Variants in CA5A observed in about 807,000 individuals in gnomAD.
CA5A encodes carbonic anhydrase 5A, mitochondrial.
CA5A carries 28 observed loss-of-function variants against 37.1 expected under a neutral mutation model. The ratio of observed to expected loss-of-function variants is 0.75; its 90% confidence interval spans 0.56 to 1.03. The LOEUF (loss-of-function observed/expected upper bound fraction) is 1.03. Among genes scored for constraint, CA5A ranks in the 50% least tolerant of loss-of-function variants. The pLI, the probability that CA5A is intolerant of heterozygous loss-of-function variation, is 0.00. For missense variants in CA5A, 444 were observed against 399.9 expected (o/e 1.11, Z -0.94); for synonymous variants, 171 against 158.4 (o/e 1.08, Z -0.60).
rs576786755 is a variant in CA5A at position 87,891,975 on chromosome 16, G to A, written c.619-21C>T. 4.4e-5 allele frequency: 67 copies of A among 1,516,706 alleles called. No homozygotes were observed. In the African/African-American group the frequency reaches 7.2e-4, roughly 16 times the overall value. 94.0% of individuals were successfully genotyped at this position (1,516,706 alleles called of 1,614,324 possible). ...GCGTCCTGAGAGACCGAGAAGCACA[G>A]GACGTGTCAGTCCTCAGGGGAGACT... On this transcript the variant is annotated intron_variant, in intron 5 of 6. Transcript: ENST00000649794.
chr16:87,883,805 T>G (rs1197827741), downstream of CA5A: 2 of 150,974 alleles, frequency 1.3e-5, no homozygotes, highest in African/African-American at 4.9e-5. Context: ...CCCAGCGAAT[T>G]TTTTGCATTT....
intron 6 of CA5A, among the ~76,000 whole-genome samples, chr16:87,890,868 C>G (rs2055703308): frequency 6.6e-6 from 1 of 152,066 alleles, no homozygotes; most frequent in Non-Finnish European, 1.5e-5. Context: ...GATCTCAGCT[C>G]ACTGCAGCCT....
intron 2 of CA5A, among the ~76,000 whole-genome samples, chr16:87,920,472 G>A (rs1343555788): frequency 1.3e-5 from 2 of 151,934 alleles, no homozygotes; most frequent in Admixed American, 6.6e-5. Context: ...ACCACGCTCG[G>A]CTAATTTTTG....
chr16:87,931,264 A>C (rs985293033), intron 1 of CA5A, among the ~76,000 whole-genome samples: 1 of 151,294 alleles, frequency 6.6e-6, no homozygotes, highest in Non-Finnish European at 1.5e-5. Context: ...GGTGCCTACC[A>C]CCACGCCCGG....
chr16:87,919,903 G>A (rs754196983), intron 2 of CA5A, among the ~76,000 whole-genome samples: 36 of 152,114 alleles, frequency 2.4e-4, no homozygotes, highest in Non-Finnish European at 4.0e-4. Context: ...CTTGAACTCG[G>A]CCGTGCAGGA....
At chr16:87,933,674 C>T (rs1297871796) in intron 1 of CA5A, among the ~76,000 whole-genome samples, 1 of 152,132 alleles carries the variant, frequency 6.6e-6, no homozygotes, top group Non-Finnish European at 1.5e-5. Flanking sequence ...GTGTGAGCCC[C>T]CATGCCTGGT....
intron 2 of CA5A, among the ~76,000 whole-genome samples, chr16:87,912,303 A>G (rs1242430139): frequency 6.6e-6 from 1 of 152,148 alleles, no homozygotes; most frequent in African/African-American, 2.4e-5. Flanking sequence ...CTCCATCTCA[A>G]TAAATAAATA....
At chr16:87,906,999 T>C (rs2055970748) in intron 2 of CA5A, among the ~76,000 whole-genome samples, 1 of 151,920 alleles carries the variant, frequency 6.6e-6, no homozygotes, top group Non-Finnish European at 1.5e-5. Context: ...GGTGTATCAC[T>C]TGAGGTCAGG....
chr16:87,931,859 C>G (rs2056410690), intron 1 of CA5A, among the ~76,000 whole-genome samples: 1 of 152,378 alleles, frequency 6.6e-6, no homozygotes. Flanking sequence ...CAACAGGGGC[C>G]TCTGTCTGTG....
chr16:87,924,191 A>C, intron 2 of CA5A: 1 of 985,396 alleles, frequency 1.0e-6, no homozygotes, highest in Non-Finnish European at 1.2e-6. Flanking sequence ...AAGAAGTTGC[A>C]CTTTGCTTAC....
intron 2 of CA5A, among the ~76,000 whole-genome samples, chr16:87,925,119 C>G (rs1286586188): frequency 1.3e-5 from 2 of 152,146 alleles, no homozygotes. Context: ...TCCCCAGGCA[C>G]GTGGGACGCA....
chr16:87,932,508 T>C (rs1455499829), intron 1 of CA5A, among the ~76,000 whole-genome samples: 2 of 152,218 alleles, frequency 1.3e-5, no homozygotes, highest in Non-Finnish European at 2.9e-5. Context: ...GGATGCTGAA[T>C]AGGCTTCCAA....
intron 3 of CA5A, among the ~76,000 whole-genome samples, chr16:87,903,111 T>A (rs1350823686): frequency 6.6e-6 from 1 of 151,972 alleles, no homozygotes; most frequent in Non-Finnish European, 1.5e-5. Context: ...TACTTCCTAG[T>A]TATCCTTGGA....
At chr16:87,919,196 C>T (rs1373660317) in intron 2 of CA5A, among the ~76,000 whole-genome samples, 1 of 152,156 alleles carries the variant, frequency 6.6e-6, no homozygotes, top group Non-Finnish European at 1.5e-5. Context: ...TGGCCTTGGA[C>T]CTGAGAGCAA....
At chr16:87,906,656 C>T (rs1239056308) in intron 2 of CA5A, among the ~76,000 whole-genome samples, 1 of 151,968 alleles carries the variant, frequency 6.6e-6, no homozygotes, top group African/African-American at 2.4e-5. Flanking sequence ...GTTGGAGGCA[C>T]CAAGGTGTAA....
chr16:87,928,444 G>C (rs1482936349), intron 1 of CA5A, among the ~76,000 whole-genome samples: 6 of 152,174 alleles, frequency 3.9e-5, no homozygotes, highest in Admixed American at 1.3e-4. Flanking sequence ...ATCTCCCAAA[G>C]TGCTGAGATT....
chr16:87,903,839 A>G (rs2055916915), intron 3 of CA5A, among the ~76,000 whole-genome samples: 1 of 152,256 alleles, frequency 6.6e-6, no homozygotes, highest in Non-Finnish European at 1.5e-5. Flanking sequence ...TGATCATCAC[A>G]GGACTGAGAC....
At chr16:87,931,490 C>T (rs1487510521) in intron 1 of CA5A, among the ~76,000 whole-genome samples, 1 of 152,174 alleles carries the variant, frequency 6.6e-6, no homozygotes, top group Non-Finnish European at 1.5e-5. Context: ...GGCGGCTCTC[C>T]CCACTCACTC....
In CA5A at chr16:87,927,184, T is replaced by G. The variant is rs532606048; in HGVS notation, c.143-239A>C. Among the ~76,000 whole-genome samples, 3 of 152,360 alleles carry G rather than the reference T, an allele frequency of 2.0e-5. No homozygotes were observed. In the East Asian group the frequency reaches 5.8e-4, roughly 29 times the overall value. On this transcript the variant is annotated intron_variant, in intron 1 of 6. Coordinates refer to ENST00000649794, the MANE Select transcript of CA5A (RefSeq NM_001739.2). The stretch of plus-strand genomic sequence containing the variant: ...TCTTTCCCACCCGGAAGCAACTCCC[T>G]CTGGGCCCATGCCACCTGTGTTGAT...
Sources: allele counts gnomAD v4.1 joint callset (sites outside exome capture counted in the v4.1 genomes callset), GRCh38; gene constraint gnomAD v4.1.1; transcripts MANE v1.5; gene names NCBI Gene and HGNC (gene_info 2026-07-23, HGNC 2026-07-21).